Variants in ZNF599 observed in about 807,000 individuals in gnomAD.
ZNF599 encodes zinc finger protein 599.
A neutral mutation model predicts 11.7 loss-of-function variants in ZNF599; 10 were observed. The observed-to-expected ratio is 0.86, with a 90% CI of 0.53 to 1.45. ZNF599 has a LOEUF of 1.45. ZNF599 is among the 40% of genes most tolerant of loss of function. The pLI, the probability that ZNF599 is intolerant of heterozygous loss-of-function variation, is 0.00. For synonymous variants in ZNF599, 232 were observed against 253.2 expected, an observed-to-expected ratio of 0.92 and a Z score of 0.79; for missense variants, 688 against 713.6, an observed-to-expected ratio of 0.96 and a Z score of 0.41.
At chr19:34,794,646 C>T in the ZNF599 span, among the ~76,000 whole-genome samples, 1 of 151,766 alleles carries the variant, frequency 6.6e-6, no homozygotes, top group Admixed American at 6.6e-5. Context: ...TCTTGGCTCA[C>T]TGCAACCTCC....
chr19:34,787,723 T>TA, the ZNF599 span, among the ~76,000 whole-genome samples: 9 of 152,202 alleles, frequency 5.9e-5, no homozygotes, highest in Non-Finnish European at 1.3e-4. Context: ...AATTATCAGG[T>TA]ACTGCTCTCA....
upstream of ZNF599, among the ~76,000 whole-genome samples, chr19:34,776,299 A>G (rs1321954062): frequency 2.0e-5 from 3 of 152,228 alleles, no homozygotes; most frequent in African/African-American, 4.8e-5. Context: ...CAATCATGCA[A>G]TCCTAACTCA....
the ZNF599 span, among the ~76,000 whole-genome samples, chr19:34,805,790 C>G: frequency 8.5e-5 from 13 of 152,170 alleles, no homozygotes; most frequent in African/African-American, 3.1e-4. Context: ...CATTCCAGAT[C>G]TGACCCCTAC....
the ZNF599 span, among the ~76,000 whole-genome samples, chr19:34,782,793 G>A: frequency 3.3e-5 from 5 of 152,284 alleles, no homozygotes; most frequent in African/African-American, 7.2e-5. Context: ...TGGTATAGGC[G>A]TCTCTGAGCC....
rs1478540369 is a variant in ZNF599, at chr19:34,758,126, C to T, written c.*908G>A. The stretch of plus-strand genomic sequence containing the variant: ...AGAATAATTATAATTATTCAAGAAA[C>T]ACTGATAAAGTGTCTTTAAACAAAC... On this transcript the variant is annotated 3_prime_UTR_variant, in exon 4 of 4. Transcript: ENST00000329285. 2.0e-5 allele frequency: 3 copies of T among 152,000 alleles called. No individual in the cohort carries two copies. Among genetic ancestry groups the T allele is most frequent in the Non-Finnish European group, 2.9e-5 (2 of 68,004 alleles). The allele number at this position is 152,000 out of a possible 1,614,324, so 9.4% of individuals were successfully genotyped here. A position where few individuals can be genotyped will look rare whatever the true frequency, so the allele number is the denominator to read the frequency against.
intron 2 of ZNF599, among the ~76,000 whole-genome samples, chr19:34,768,576 C>T (rs2069160356): frequency 6.6e-6 from 1 of 152,234 alleles, no homozygotes; most frequent in Non-Finnish European, 1.5e-5. Flanking sequence ...GTAACAAACA[C>T]ATGCAGAACA....
At chr19:34,783,085 C>T in the ZNF599 span, among the ~76,000 whole-genome samples, 1 of 152,326 alleles carries the variant, frequency 6.6e-6, no homozygotes, top group East Asian at 1.9e-4. Flanking sequence ...CAGATAGACA[C>T]CAAATGTACT....
chr19:34,760,351 C>T lies in ZNF599; in HGVS notation c.450G>A (p.Leu150=). Residue 150 remains leucine, a synonymous_variant, in exon 4 of 4, where the codon TTG becomes TTA. Coordinates refer to ENST00000329285, the MANE Select transcript of ZNF599 (RefSeq NM_001007248.3). The part of the protein sequence containing the change: ...NPHKEICPEK[L]SYKHDDLEPD... ...GCTCCAAATCATCATGTTTATAACTCAACTTCTCAGGGCATATCTCTTTGT... is the reference window on the plus strand; with the variant it reads ...GCTCCAAATCATCATGTTTATAACTTAACTTCTCAGGGCATATCTCTTTGT... 1 of 1,614,146 alleles carries T rather than the reference C, an allele frequency of 6.2e-7. No homozygotes were observed. Among genetic ancestry groups the T allele is most frequent in the Non-Finnish European group, 8.5e-7 (1 of 1,180,022 alleles).
chr19:34,801,401 C>A, the ZNF599 span, among the ~76,000 whole-genome samples: 3 of 152,202 alleles, frequency 2.0e-5, no homozygotes, highest in Admixed American at 2.0e-4. Context: ...ATGTTCCCTG[C>A]ACTAATAAGG....
chr19:34,773,449 C>G (rs1325992258), upstream of ZNF599, among the ~76,000 whole-genome samples: 2 of 152,136 alleles, frequency 1.3e-5, no homozygotes, highest in African/African-American at 4.8e-5. Context: ...TGGAAATTAT[C>G]TGAGGCAATG....
the ZNF599 span, among the ~76,000 whole-genome samples, chr19:34,805,585 A>G: frequency 6.6e-6 from 1 of 152,000 alleles, no homozygotes; most frequent in African/African-American, 2.4e-5. Flanking sequence ...CACTTTCTCC[A>G]TTTCCAGATA....
the ZNF599 span, chr19:34,780,083 A>G: frequency 1.3e-5 from 2 of 152,694 alleles, no homozygotes; most frequent in Non-Finnish European, 2.9e-5. Context: ...GGACTTCTCT[A>G]TATTCTCTGC....
At chr19:34,800,664 C>T in the ZNF599 span, among the ~76,000 whole-genome samples, 3 of 138,674 alleles carry the variant, frequency 2.2e-5, no homozygotes, top group African/African-American at 5.4e-5. Context: ...GGCATGATCT[C>T]GGCTCACTGC....
the ZNF599 span, among the ~76,000 whole-genome samples, chr19:34,785,529 G>A: frequency 1.3e-5 from 2 of 152,150 alleles, no homozygotes; most frequent in Admixed American, 1.3e-4. Context: ...CTGCTCTCTG[G>A]TAACATCAGT....
At chr19:34,795,829 T>C in the ZNF599 span, among the ~76,000 whole-genome samples, 188 of 152,236 alleles carry the variant, frequency 1.2e-3, no homozygotes, top group Non-Finnish European at 2.1e-3. Flanking sequence ...TTCTTTTTCT[T>C]TTTCTTTTTG....
At chr19:34,788,805 T>A in the ZNF599 span, 1 of 152,212 alleles carries the variant, frequency 6.6e-6, no homozygotes, top group Non-Finnish European at 1.5e-5. Context: ...TGATTAATAT[T>A]CTAAGACTCT....
Position 34,759,736 on chromosome 19 carries a change from G to A in ZNF599, c.1065C>T (p.Ile355=), listed in dbSNP as rs758832508. 20 of 1,613,910 alleles carry A rather than the reference G, an allele frequency of 1.2e-5. No homozygotes were observed. Among genetic ancestry groups the A allele is most frequent in the Admixed American group, 1.7e-5 (1 of 60,002 alleles). The change falls in exon 4 of 4, where the codon ATC becomes ATT. Residue 355 remains isoleucine (I), a synonymous_variant. Transcript: ENST00000329285. ...GKAFTHRSTF[I]QHNVTHTGEK... is the part of the protein sequence containing the mutation. Reference sequence around the variant, plus strand: ...CTCCTGTGTGGGTCACATTGTGCTGGATAAATGTGGAGCGGTGCGTGAAGG... The same window carrying A: ...CTCCTGTGTGGGTCACATTGTGCTGAATAAATGTGGAGCGGTGCGTGAAGG...
the ZNF599 span, among the ~76,000 whole-genome samples, chr19:34,780,655 G>T: frequency 1.4e-5 from 2 of 141,770 alleles, no homozygotes; most frequent in South Asian, 2.4e-4. Flanking sequence ...AAGAGAGAGG[G>T]GGAGGGAGGG....
At chr19:34,780,884 C>T in the ZNF599 span, among the ~76,000 whole-genome samples, 94 of 152,038 alleles carry the variant, frequency 6.2e-4, no homozygotes, top group African/African-American at 2.1e-3. Context: ...GGGCCGGGTG[C>T]GGTGGTTCAT....
Sources: allele counts gnomAD v4.1 joint callset (sites outside exome capture counted in the v4.1 genomes callset), GRCh38; gene constraint gnomAD v4.1.1; transcripts MANE v1.5; gene names NCBI Gene and HGNC (gene_info 2026-07-23, HGNC 2026-07-21).